ANKS1A: variants seen among roughly 807,000 people sequenced by gnomAD.
ANKS1A encodes ankyrin repeat and SAM domain-containing protein 1A.
A neutral mutation model predicts 120.3 loss-of-function variants in ANKS1A; 55 were observed. That is an observed-to-expected ratio of 0.46 (90% CI 0.37 to 0.57). The LOEUF (loss-of-function observed/expected upper bound fraction) is 0.57. Ranked by LOEUF, ANKS1A falls within the 20% of genes least tolerant of loss-of-function variation. ANKS1A has a pLI of 0.00. For synonymous variants in ANKS1A, 590 were observed against 604.7 expected, an observed-to-expected ratio of 0.98 and a Z score of 0.36; for missense variants, 1,123 against 1,480.3, an observed-to-expected ratio of 0.76 and a Z score of 3.96.
Position 35,032,496 on chromosome 6 carries a change from C to T in ANKS1A, c.2010+14437C>T, listed in dbSNP as rs143673333. Among the ~76,000 whole-genome samples the T allele has an allele frequency of 2.6e-3, 399 of 152,246 alleles. 2 individuals are homozygous for T. The highest frequency in any genetic ancestry group is 9.0e-3 in the African/African-American group (372 of 41,556). The stretch of plus-strand genomic sequence containing the variant: ...TCACAGTTCATTTTTACAAGCCCTG[C>T]GGCTCCCCAGCCCCAAACGGGTGCA... On this transcript the variant is annotated intron_variant, in intron 11 of 23. Coordinates refer to ENST00000360359, the MANE Select transcript of ANKS1A (RefSeq NM_015245.3).
intron 10 of ANKS1A, among the ~76,000 whole-genome samples, chr6:35,009,743 A>C (rs909607823): frequency 4.0e-5 from 6 of 151,798 alleles, no homozygotes; most frequent in African/African-American, 1.5e-4. Flanking sequence ...TCTCTTCTAA[A>C]AATATGAAAA....
At position 35,090,186 on chromosome 6, in the gene ANKS1A, C is replaced by T. The variant is rs1002573243; in HGVS notation, c.*1577C>T. ...CCACTTCTTGGTACTAAACGAAGAT[C>T]TCGACACCTTGCAGTTTTACTTCAT... On this transcript the variant is annotated 3_prime_UTR_variant, in exon 24 of 24. Transcript: ENST00000360359. 3.9e-6 allele frequency: 5 copies of T among 1,289,462 alleles called. No individual in the cohort carries two copies. Among genetic ancestry groups the T allele is most frequent in the Non-Finnish European group, 3.0e-6 (3 of 988,890 alleles). The allele number at this position is 1,289,462 out of a possible 1,614,324, so 79.9% of individuals were successfully genotyped here. A position where few individuals can be genotyped will look rare whatever the true frequency, so the allele number is the denominator to read the frequency against.
rs3800428 is a variant in ANKS1A at position 35,041,261 on chromosome 6, C to G, written c.2011-12838C>G. Among the ~76,000 whole-genome samples the G allele has an allele frequency of 5.5e-3, 832 of 152,298 alleles. 25 individuals are homozygous for G. The East Asian group carries it at 0.093, about 17-fold the overall frequency. On this transcript the variant is annotated intron_variant, in intron 11 of 23. Transcript: ENST00000360359. ...CCTACCTCCTAGCACATACACAAAG[C>G]CCCTAGAGAACAGTTGTTGGCAGCA... is the stretch of plus-strand genomic sequence containing the variant.
chr6:34,952,069 T>C (rs1034273174), intron 1 of ANKS1A, among the ~76,000 whole-genome samples: 2 of 152,174 alleles, frequency 1.3e-5, no homozygotes, highest in Admixed American at 1.3e-4. Context: ...GGAAGCTATA[T>C]GGCATGGTGG....
At chr6:34,987,375 A>G (rs910219078) in intron 8 of ANKS1A, among the ~76,000 whole-genome samples, 4 of 152,036 alleles carry the variant, frequency 2.6e-5, no homozygotes, top group Non-Finnish European at 5.9e-5. Context: ...GGCTTCTACG[A>G]TGAGTTCTTT....
chr6:35,019,640 C>T (rs1015664190), intron 11 of ANKS1A, among the ~76,000 whole-genome samples: 7 of 152,200 alleles, frequency 4.6e-5, no homozygotes, highest in African/African-American at 1.7e-4. Context: ...GGAGATTACA[C>T]ACTGGAGTGT....
chr6:34,973,975 TC>T (rs1381517778), intron 3 of ANKS1A, among the ~76,000 whole-genome samples: 1 of 87,714 alleles, frequency 1.1e-5, no homozygotes, highest in Non-Finnish European at 2.3e-5. Context: ...GCCTTCCCCT[TC>T]CCCTTCCCCT....
At chr6:35,006,180 T>C in intron 10 of ANKS1A, among the ~76,000 whole-genome samples, 1 of 83,154 alleles carries the variant, frequency 1.2e-5, no homozygotes, top group Non-Finnish European at 2.6e-5. Context: ...AGAGCAAGAC[T>C]CTGTCTTAAA....
the ANKS1A span, among the ~76,000 whole-genome samples, chr6:35,097,700 C>T: frequency 4.7e-5 from 7 of 149,734 alleles, no homozygotes; most frequent in South Asian, 2.1e-4. Flanking sequence ...TGCCCATCCA[C>T]GTTGATTATT....
At chr6:35,055,329 A>G (rs964674629) in intron 12 of ANKS1A, among the ~76,000 whole-genome samples, 6 of 151,998 alleles carry the variant, frequency 3.9e-5, no homozygotes, top group South Asian at 2.1e-4. Flanking sequence ...GTAGATAAAA[A>G]AAAATTTTTT....
At position 35,089,454 on chromosome 6, in the gene ANKS1A, G is replaced by C; in HGVS notation, c.*845G>C. The C allele has an allele frequency of 5.1e-6, 5 of 986,638 alleles. No homozygotes were observed. Among genetic ancestry groups the C allele is most frequent in the Non-Finnish European group, 6.0e-6 (5 of 830,570 alleles). The allele number at this position is 986,638 out of a possible 1,614,324, so 61.1% of individuals were successfully genotyped here. A position where few individuals can be genotyped will look rare whatever the true frequency, so the allele number is the denominator to read the frequency against. On this transcript the variant is annotated 3_prime_UTR_variant, in exon 24 of 24. Coordinates refer to ENST00000360359, the MANE Select transcript of ANKS1A (RefSeq NM_015245.3). ...ACTGCCTGCGTTGTGTCAGAGAATA[G>C]GAAAAGCAGCTTTGTTTGGGGCATT...
At chr6:35,037,231 A>G (rs1030815751) in intron 11 of ANKS1A, among the ~76,000 whole-genome samples, 4 of 152,164 alleles carry the variant, frequency 2.6e-5, no homozygotes, top group Admixed American at 1.3e-4. Context: ...GTTTTTCCCT[A>G]TTAGCTTTTT....
intron 1 of ANKS1A, among the ~76,000 whole-genome samples, chr6:34,895,538 T>A (rs868268623): frequency 7.4e-4 from 113 of 152,306 alleles, no homozygotes; most frequent in African/African-American, 2.6e-3. Context: ...TGAAAGTGCC[T>A]ATTTTGAGCA....
In ANKS1A at chr6:35,044,577, A is replaced by G. The variant is rs1040229644; in HGVS notation, c.2011-9522A>G. 5.5e-4 allele frequency among the ~76,000 whole-genome samples: 83 copies of G among 152,178 alleles called. 2 individuals are homozygous for G. The highest frequency in any genetic ancestry group is 2.6e-4 in the Non-Finnish European group (18 of 68,030). ...ATCCTCCGGTTTGCTTCGCGCCCCA[A>G]GAGCTGCCTTGTAGAAAGGCGTCAC... On this transcript the variant is annotated intron_variant, in intron 11 of 23. Transcript: ENST00000360359. The surrounding 1 kb of genome is among the most constrained non-coding windows in gnomAD (Gnocchi z 4.4).
chr6:34,955,093 A>T (rs1462939062), intron 1 of ANKS1A, among the ~76,000 whole-genome samples: 1 of 151,560 alleles, frequency 6.6e-6, no homozygotes, highest in Non-Finnish European at 1.5e-5. Flanking sequence ...TGTACAATTA[A>T]TTAATTTTCT....
intron 11 of ANKS1A, among the ~76,000 whole-genome samples, chr6:35,030,050 T>A (rs1774827710): frequency 6.6e-6 from 1 of 152,174 alleles, no homozygotes; most frequent in Non-Finnish European, 1.5e-5. Context: ...CTTTGAGAGC[T>A]GAAATGACTT....
chr6:35,013,084 C>G (rs1773846132), intron 10 of ANKS1A, among the ~76,000 whole-genome samples: 1 of 152,156 alleles, frequency 6.6e-6, no homozygotes, highest in Non-Finnish European at 1.5e-5. Flanking sequence ...TACTGCCACA[C>G]CTGGCCCTTC....
chr6:34,909,940 C>T (rs1424718539), intron 1 of ANKS1A, among the ~76,000 whole-genome samples: 1 of 151,910 alleles, frequency 6.6e-6, no homozygotes, highest in African/African-American at 2.4e-5. Context: ...AGGTAACTGC[C>T]TGGTATGTAG....
intron 1 of ANKS1A, among the ~76,000 whole-genome samples, chr6:34,950,127 C>A (rs1025341928): frequency 1.3e-5 from 2 of 151,896 alleles, no homozygotes; most frequent in African/African-American, 4.8e-5. Flanking sequence ...TTACAGTGAG[C>A]TATGATTATG....
Sources: allele counts gnomAD v4.1 joint callset (sites outside exome capture counted in the v4.1 genomes callset), GRCh38; gene constraint gnomAD v4.1.1; non-coding constraint Gnocchi (gnomAD v3.1); transcripts MANE v1.5; gene names NCBI Gene and HGNC (gene_info 2026-07-23, HGNC 2026-07-21).